Variants in RBM34 observed in about 807,000 individuals in gnomAD.
RBM34 encodes the protein RNA binding motif protein 34.
RBM34 carries 39 observed loss-of-function variants against 44.6 expected under a neutral mutation model. The observed-to-expected ratio is 0.87, with a 90% CI of 0.68 to 1.14. RBM34 has a LOEUF of 1.14. RBM34 is among the 50% of genes most tolerant of loss of function. RBM34 has a pLI of 0.00. For missense variants in RBM34, 572 were observed against 517.9 expected, an observed-to-expected ratio of 1.10 and a Z score of -1.01; for synonymous variants, 194 against 184.0, an observed-to-expected ratio of 1.05 and a Z score of -0.44.
intron 1 of RBM34, 26 bp downstream of exon 1, chr1:235,161,148 A>G: frequency 6.2e-7 from 1 of 1,600,080 alleles, no homozygotes; most frequent in Non-Finnish European, 8.5e-7. Flanking sequence ...ATCCCTCCCC[A>G]GGTACTCGTG....
At chr1:235,142,596 A>T (rs1158321828) in intron 6 of RBM34, among the ~76,000 whole-genome samples, 1 of 152,064 alleles carries the variant, frequency 6.6e-6, no homozygotes, top group African/African-American at 2.4e-5. Flanking sequence ...CACTCTCTAA[A>T]TGAGATCTTC....
chr1:235,161,006 C>G lies in RBM34; in HGVS notation c.115G>C (p.Ala39Pro). The change falls in exon 2 of 11, where the codon GCC becomes CCC. Residue 39 changes from alanine (A) to proline (P), a missense_variant. Coordinates refer to ENST00000408888, the MANE Select transcript of RBM34 (RefSeq NM_015014.4). Reference protein sequence around the residue: ...PPEDYRLGQVASSLFRGEHHS... With the variant: ...PPEDYRLGQVPSSLFRGEHHS... ...TGTTCGCCGCGAAATAAGCTACTGG[C>G]GACCTGTCCAAGCCTGTAGTCTTCC... is the stretch of plus-strand genomic sequence containing the variant. 2.5e-6 allele frequency: 4 copies of G among 1,614,140 alleles called. No individual in the cohort carries two copies. The highest frequency in any genetic ancestry group is 3.4e-6 in the Non-Finnish European group (4 of 1,180,040).
chr1:235,151,514 G>A (rs548902529), intron 5 of RBM34, among the ~76,000 whole-genome samples: 4 of 152,286 alleles, frequency 2.6e-5, no homozygotes, highest in South Asian at 4.1e-4. Flanking sequence ...GTGGGCAGTT[G>A]TGCCTCCTCT....
In RBM34 at chr1:235,152,838, G is replaced by A. The variant is rs1252917308; in HGVS notation, c.598-73C>T. ...AATAAGTGCTACAAAAAGGAATTAA[G>A]AAAAATTGTCTGATAATCCTCTACT... On this transcript the variant is annotated intron_variant, in intron 4 of 10. Coordinates refer to ENST00000408888, the MANE Select transcript of RBM34 (RefSeq NM_015014.4). 8 of 1,104,966 alleles carry A rather than the reference G, an allele frequency of 7.2e-6. No individual in the cohort carries two copies. The East Asian group carries it at 8.2e-5, about 11-fold the overall frequency. The allele number at this position is 1,104,966 out of a possible 1,614,324, so 68.4% of individuals were successfully genotyped here.
intron 6 of RBM34, among the ~76,000 whole-genome samples, chr1:235,140,385 G>A (rs1010524830): frequency 6.6e-6 from 1 of 152,134 alleles, no homozygotes; most frequent in Non-Finnish European, 1.5e-5. Flanking sequence ...GGAGCAGCCG[G>A]CCGGCCCTGC....
intron 6 of RBM34, among the ~76,000 whole-genome samples, chr1:235,143,453 G>C (rs1436254871): frequency 2.0e-5 from 3 of 152,172 alleles, no homozygotes; most frequent in East Asian, 1.9e-4. Flanking sequence ...CTGGTGAATG[G>C]GGCCGGGTGC....
chr1:235,135,508 C>A, intron 10 of RBM34, 144 bp downstream of exon 10: 1 of 729,596 alleles, frequency 1.4e-6, no homozygotes, highest in Non-Finnish European at 2.4e-6. Flanking sequence ...GGATTACAGG[C>A]ATGAGTCACT....
intron 6 of RBM34, among the ~76,000 whole-genome samples, chr1:235,147,413 T>A (rs893418415): frequency 3.9e-5 from 6 of 152,214 alleles, no homozygotes; most frequent in Admixed American, 6.5e-5. Context: ...GGGTTTCAAC[T>A]TCATACAGAA....
At chr1:235,136,625 C>T (rs1370329058) in intron 8 of RBM34, among the ~76,000 whole-genome samples, 2 of 152,202 alleles carry the variant, frequency 1.3e-5, no homozygotes, top group African/African-American at 2.4e-5. Flanking sequence ...CCTTTGATAT[C>T]GACAGAAATG....
Position 235,138,939 on chromosome 1 carries a change from T to C in RBM34, c.702-765A>G, listed in dbSNP as rs1025437550. On this transcript the variant is annotated intron_variant, in intron 6 of 10. Coordinates refer to ENST00000408888, the MANE Select transcript of RBM34 (RefSeq NM_015014.4). ...ACAAACCTTTGTCCTCTATATTTCTTGTAAACTGGCAGCTGCATCAAAAGG... is the reference window on the plus strand; with the variant it reads ...ACAAACCTTTGTCCTCTATATTTCTCGTAAACTGGCAGCTGCATCAAAAGG... Among the ~76,000 whole-genome samples, 14 of 152,196 alleles carry C rather than the reference T, an allele frequency of 9.2e-5. No homozygotes were observed. The South Asian group carries it at 1.0e-3, about 11-fold the overall frequency.
chr1:235,158,290 G>A (rs548901162), intron 3 of RBM34, among the ~76,000 whole-genome samples: 56 of 152,082 alleles, frequency 3.7e-4, no homozygotes, highest in African/African-American at 1.3e-3. Flanking sequence ...GGTGGTGGGC[G>A]CCTGTAATCC....
Position 235,154,985 on chromosome 1 carries a change from C to G in RBM34, c.493G>C (p.Val165Leu), listed in dbSNP as rs1662333522. Reference protein sequence around the residue: ...RKILDDTEDTVVSQRKKIQIN... With the variant: ...RKILDDTEDTLVSQRKKIQIN... ...TGAATTTTCTTTCTTTGACTGACAA[C>G]TGTGTCTTCTGTGTCATCAAGTATT... The change falls in exon 4 of 11, where the codon GTT becomes CTT. Residue 165 changes from valine (V) to leucine (L), a missense_variant. Val to Leu is a conservative substitution (Grantham distance 32). Transcript: ENST00000408888. 1 of 1,613,876 alleles carries G rather than the reference C, an allele frequency of 6.2e-7. No individual in the cohort carries two copies. Among genetic ancestry groups the G allele is most frequent in the Admixed American group, 1.7e-5 (1 of 59,990 alleles).
intron 1 of RBM34, 21 bp downstream of exon 1, chr1:235,161,153 C>A (rs1319213589): frequency 6.3e-7 from 1 of 1,599,572 alleles, no homozygotes; most frequent in Non-Finnish European, 8.5e-7. Flanking sequence ...TCCCCAGGTA[C>A]TCGTGCCGCG....
chr1:235,132,081 G>C, intron 10 of RBM34, 84 bp from the exon 11 acceptor site: 5 of 1,325,788 alleles, frequency 3.8e-6, no homozygotes, highest in Non-Finnish European at 5.1e-6. Flanking sequence ...TAACAGATGA[G>C]AACGACTTTC....
intron 6 of RBM34, among the ~76,000 whole-genome samples, chr1:235,146,082 A>G (rs1024142743): frequency 2.9e-5 from 4 of 137,570 alleles, no homozygotes; most frequent in Admixed American, 1.7e-4. Context: ...CCTTCGTCTG[A>G]TTCCCAAGCA....
intron 3 of RBM34, 94 bp downstream of exon 3, chr1:235,160,417 A>G (rs1662655056): frequency 2.1e-6 from 3 of 1,462,530 alleles, no homozygotes; most frequent in Admixed American, 3.8e-5. Flanking sequence ...GAAAGAAAGT[A>G]GAAATATGAA....
chr1:235,154,243 C>T (rs1662299345), intron 4 of RBM34, among the ~76,000 whole-genome samples: 1 of 137,844 alleles, frequency 7.3e-6, no homozygotes, highest in Non-Finnish European at 1.6e-5. Context: ...GAGACTCTGT[C>T]TCAAAAAAAA....
intron 8 of RBM34, among the ~76,000 whole-genome samples, chr1:235,137,074 C>T (rs1297518502): frequency 2.6e-5 from 4 of 152,128 alleles, no homozygotes; most frequent in African/African-American, 9.7e-5. Flanking sequence ...GGAAACTTGC[C>T]TTGTCCCTTC....
At chr1:235,136,138 C>T in intron 8 of RBM34, 65 bp from the exon 9 acceptor site, 1 of 1,308,830 alleles carries the variant, frequency 7.6e-7, no homozygotes, top group Non-Finnish European at 1.1e-6. Flanking sequence ...CATCGAAAAT[C>T]CTCCCTATCC....
Sources: allele counts gnomAD v4.1 joint callset (sites outside exome capture counted in the v4.1 genomes callset), GRCh38; gene constraint gnomAD v4.1.1; transcripts MANE v1.5; gene names NCBI Gene and HGNC (gene_info 2026-07-23, HGNC 2026-07-21).